PCDHA10: variants seen among roughly 807,000 people sequenced by gnomAD.
The protein encoded by PCDHA10 is protocadherin alpha-10.
PCDHA10 carries 45 observed loss-of-function variants against 61.2 expected under a neutral mutation model. That is an observed-to-expected ratio of 0.74 (90% CI 0.58 to 0.94). The LOEUF (loss-of-function observed/expected upper bound fraction) is 0.94. PCDHA10 is among the 40% of genes least tolerant of loss of function. PCDHA10 has a pLI of 0.00. For synonymous variants in PCDHA10, 602 were observed against 548.8 expected (o/e 1.10, Z -1.35); for missense variants, 1,278 against 1,236.2 (o/e 1.03, Z -0.51).
chr5:140,944,710 T>C (rs564606677), intron 1 of PCDHA10, among the ~76,000 whole-genome samples: 1 of 152,300 alleles, frequency 6.6e-6, no homozygotes, highest in East Asian at 1.9e-4. Flanking sequence ...TCAGGTTATT[T>C]TGCCTTTGAA....
At chr5:140,997,572 G>T (rs1457109655) in intron 3 of PCDHA10, among the ~76,000 whole-genome samples, 1 of 152,068 alleles carries the variant, frequency 6.6e-6, no homozygotes, top group Non-Finnish European at 1.5e-5. Context: ...CATATGTGTG[G>T]TCCGTTGTTG....
chr5:140,886,401 A>G (rs2060965059), intron 1 of PCDHA10, among the ~76,000 whole-genome samples: 1 of 152,174 alleles, frequency 6.6e-6, no homozygotes, highest in African/African-American at 2.4e-5. Flanking sequence ...TGCATCACAA[A>G]TATGTTTTCC....
chr5:140,871,343 G>A (rs782701070), intron 1 of PCDHA10: 3 of 1,614,194 alleles, frequency 1.9e-6, no homozygotes, highest in East Asian at 2.2e-5. Context: ...GTGGGGAGCT[G>A]GTCATACTCG....
intron 1 of PCDHA10, chr5:140,882,353 G>A (rs782054546): frequency 2.5e-6 from 4 of 1,614,174 alleles, no homozygotes; most frequent in Non-Finnish European, 3.4e-6. Flanking sequence ...GACGGGTAGT[G>A]GCCAGCTCCA....
intron 1 of PCDHA10, among the ~76,000 whole-genome samples, chr5:140,875,118 A>T (rs1381092384): frequency 6.6e-6 from 1 of 152,224 alleles, no homozygotes; most frequent in African/African-American, 2.4e-5. Context: ...TATCATGTAT[A>T]TTAACTAAAC....
chr5:140,870,905 G>T (rs2052526417), intron 1 of PCDHA10: 1 of 1,613,958 alleles, frequency 6.2e-7, no homozygotes, highest in Non-Finnish European at 8.5e-7. Context: ...GCGGACTCAG[G>T]CTACAACGCG....
At chr5:140,967,884 C>T (rs2096194386) in intron 1 of PCDHA10, 2 of 1,614,050 alleles carry the variant, frequency 1.2e-6, no homozygotes, top group African/African-American at 1.3e-5. Context: ...CTGTATAGCC[C>T]AGTGCCTGAG....
At chr5:140,935,253 A>G (rs1469038997) in intron 1 of PCDHA10, among the ~76,000 whole-genome samples, 1 of 152,226 alleles carries the variant, frequency 6.6e-6, no homozygotes, top group Non-Finnish European at 1.5e-5. Flanking sequence ...GATAAAATAC[A>G]TCACATGTTT....
At chr5:140,862,415 G>A (rs1382532896) in intron 1 of PCDHA10, 6 of 348,784 alleles carry the variant, frequency 1.7e-5, no homozygotes, top group Non-Finnish European at 2.8e-5. Context: ...TTCAAAAGGC[G>A]CTGCCCAGAA....
chr5:140,975,868 C>T (rs553871611), intron 1 of PCDHA10, among the ~76,000 whole-genome samples: 2 of 152,222 alleles, frequency 1.3e-5, no homozygotes, highest in East Asian at 3.9e-4. Flanking sequence ...ATATGGACTA[C>T]CTAATTGATT....
rs1451807345 is a variant in PCDHA10, at chr5:140,860,140, T to A, written c.2388+1704T>A. 3 of 150,428 alleles carry A rather than the reference T, an allele frequency of 2.0e-5. No homozygotes were observed. The South Asian group carries it at 6.2e-4, about 31-fold the overall frequency. 9.3% of individuals were successfully genotyped at this position (150,428 alleles called of 1,614,324 possible). On this transcript the variant is annotated intron_variant, in intron 1 of 3. Transcript: ENST00000307360. ...CTTGTACTGTGTGTGTGTGTATATA[T>A]ATGTATATATGTGTATATATATATG...
At chr5:140,876,625 G>A (rs2056468121) in intron 1 of PCDHA10, 1 of 1,614,192 alleles carries the variant, frequency 6.2e-7, no homozygotes. Context: ...CAATGGACAG[G>A]TCATCTGCTC....
In PCDHA10 at chr5:140,871,640, A is replaced by T; in HGVS notation, c.2388+13204A>T. 6 of 1,294,228 alleles carry T rather than the reference A, an allele frequency of 4.6e-6. No homozygotes were observed. The South Asian group carries it at 9.7e-5, about 21-fold the overall frequency. 80.2% of individuals were successfully genotyped at this position (1,294,228 alleles called of 1,614,324 possible). A position where few individuals can be genotyped will look rare whatever the true frequency, so the allele number is the denominator to read the frequency against. On this transcript the variant is annotated intron_variant, in intron 1 of 3. Transcript: ENST00000307360. The stretch of plus-strand genomic sequence containing the variant: ...TTAGATAACAATGTCTGTTCATAAA[A>T]TACCAAATGATACACATCTTCAGTC...
At chr5:140,976,470 G>A (rs1388811059) in intron 1 of PCDHA10, among the ~76,000 whole-genome samples, 3 of 152,116 alleles carry the variant, frequency 2.0e-5, no homozygotes, top group Non-Finnish European at 4.4e-5. Context: ...AGAATTGCTT[G>A]AATCCGGGAG....
chr5:140,859,473 G>T (rs1486992699), intron 1 of PCDHA10: 1 of 209,794 alleles, frequency 4.8e-6, no homozygotes, highest in Non-Finnish European at 9.3e-6. Context: ...ACTATCAATT[G>T]TGTTTTCCTG....
Position 140,941,209 on chromosome 5 carries a change from T to TCCTTTCTTTCTTTC in PCDHA10, c.2389-37740_2389-37739insCCTTTCTTTCTTTC, listed in dbSNP as rs59604197. 5.4e-4 allele frequency among the ~76,000 whole-genome samples: 69 copies of TCCTTTCTTTCTTTC among 126,992 alleles called. 1 individual carries two copies. Among genetic ancestry groups the TCCTTTCTTTCTTTC allele is most frequent in the African/African-American group, 2.2e-3 (68 of 31,202 alleles). The allele number at this position is 126,992 out of a possible 152,430, so 83.3% of individuals were successfully genotyped here. On this transcript the variant is annotated intron_variant, in intron 1 of 3. Coordinates refer to ENST00000307360, the MANE Select transcript of PCDHA10 (RefSeq NM_018901.4). ...TCTTTTTTTTTCTTTCTTCCTTTCT[T>TCCTTTCTTTCTTTC]TCTTCCTTTCTTTCTTTCTTTCTTT...
intron 1 of PCDHA10, among the ~76,000 whole-genome samples, chr5:140,901,935 GTA>G (rs200320249): frequency 0.011 from 1,607 of 151,762 alleles, 16 homozygotes; most frequent in African/African-American, 0.028. Context: ...TAATTCCTAG[GTA>G]TATTTAGTTT....
chr5:140,862,675 G>C, intron 1 of PCDHA10: 1 of 550,422 alleles, frequency 1.8e-6, no homozygotes, highest in Non-Finnish European at 3.6e-6. Context: ...GCAGGAGAAC[G>C]TGCTGGTGTC....
rs1219444085 is a variant in PCDHA10 at position 141,010,861 on chromosome 5, A to G, written c.*924A>G. On this transcript the variant is annotated 3_prime_UTR_variant, in exon 4 of 4. Coordinates refer to ENST00000307360, the MANE Select transcript of PCDHA10 (RefSeq NM_018901.4). ...ATTTATTTAAAAAAAGAGAAAGTCTATAGCTATAAATCTTTAAAGAGAAAT... is the reference window on the plus strand; with the variant it reads ...ATTTATTTAAAAAAAGAGAAAGTCTGTAGCTATAAATCTTTAAAGAGAAAT... 9.1e-5 allele frequency: 14 copies of G among 153,794 alleles called. No individual in the cohort carries two copies. Among genetic ancestry groups the G allele is most frequent in the African/African-American group, 3.1e-4 (13 of 41,468 alleles). 9.5% of individuals were successfully genotyped at this position (153,794 alleles called of 1,614,324 possible).
Sources: gnomAD v4.1 joint callset for allele counts (sites outside exome capture counted in the v4.1 genomes callset) on GRCh38, gnomAD v4.1.1 for gene constraint, MANE v1.5 for transcripts, NCBI Gene and HGNC (gene_info 2026-07-23, HGNC 2026-07-21) for gene names.